The following SGSM1 variants were observed in gnomAD, a reference collection of about 807,000 sequenced individuals.
SGSM1 encodes RUN and TBC1 domain containing 2.
Under a neutral mutation model 133.8 loss-of-function variants are expected in SGSM1, and 73 were observed. That is an observed-to-expected ratio of 0.55 (90% CI 0.45 to 0.66). The LOEUF is 0.66. Among genes scored for constraint, SGSM1 ranks in the 30% least tolerant of loss-of-function variants. The probability of loss-of-function intolerance (pLI) is 0.00; values close to 1 mark genes in which losing one functional copy is unlikely to be tolerated. For synonymous variants in SGSM1, 563 were observed against 573.0 expected (o/e 0.98, Z 0.25); for missense variants, 1,213 against 1,448.1 (o/e 0.84, Z 2.64).
At chr22:24,845,255 G>A (rs963056364) in intron 3 of SGSM1, among the ~76,000 whole-genome samples, 2 of 152,142 alleles carry the variant, frequency 1.3e-5, no homozygotes, top group African/African-American at 4.8e-5. Context: ...TTGCATCTGA[G>A]GAATGGGCTC....
intron 17 of SGSM1, among the ~76,000 whole-genome samples, chr22:24,894,977 G>A (rs1035406561): frequency 6.6e-6 from 1 of 152,214 alleles, no homozygotes; most frequent in African/African-American, 2.4e-5. Flanking sequence ...AAGGTGGGGT[G>A]CTCTAGTTGC....
At chr22:24,860,920 A>ATATATATATATATATAT (rs57042550) in intron 9 of SGSM1, among the ~76,000 whole-genome samples, 1 of 63,402 alleles carries the variant, frequency 1.6e-5, no homozygotes, top group African/African-American at 9.5e-5. Context: ...AAAAAAAAAA[A>ATATATATATATATATAT]AAATATATAT....
chr22:24,916,879 G>A (rs2123743945), intron 22 of SGSM1, among the ~76,000 whole-genome samples: 2 of 151,842 alleles, frequency 1.3e-5, no homozygotes, highest in Admixed American at 1.3e-4. Flanking sequence ...ATATGTTTTT[G>A]TTTTCATTTT....
chr22:24,845,145 A>C (rs530674937), intron 3 of SGSM1, among the ~76,000 whole-genome samples, 173 bp downstream of exon 3: 1 of 152,196 alleles, frequency 6.6e-6, no homozygotes, highest in Admixed American at 6.5e-5. Flanking sequence ...ATTAAAAATG[A>C]CTTCTGTACC....
intron 2 of SGSM1, among the ~76,000 whole-genome samples, chr22:24,815,556 C>G (rs1264833860): frequency 6.6e-6 from 1 of 152,142 alleles, no homozygotes; most frequent in African/African-American, 2.4e-5. Flanking sequence ...TCCTGGATAA[C>G]ATGGTGAAAC....
intron 1 of SGSM1, 34 bp from the exon 2 acceptor site, chr22:24,806,405 TCG>T (rs760305183): frequency 1.3e-6 from 2 of 1,520,392 alleles, no homozygotes; most frequent in South Asian, 2.5e-5. Context: ...GCACCCTCTC[TCG>T]GCTGACCCGC....
chr22:24,807,860 G>A (rs1243692762), intron 2 of SGSM1, among the ~76,000 whole-genome samples: 7 of 147,334 alleles, frequency 4.8e-5, no homozygotes, highest in East Asian at 4.1e-4. Context: ...CTGCTCCTCC[G>A]TCCTCCGGGA....
chr22:24,868,289 C>G (rs1931567387), intron 10 of SGSM1, 87 bp from the exon 11 acceptor site: 1 of 1,527,564 alleles, frequency 6.5e-7, no homozygotes, highest in Non-Finnish European at 8.8e-7. Context: ...GGCTTGGCAC[C>G]CCTGGGGGAT....
intron 12 of SGSM1, among the ~76,000 whole-genome samples, chr22:24,870,128 A>G (rs763180725): frequency 2.0e-5 from 3 of 152,202 alleles, no homozygotes; most frequent in Non-Finnish European, 4.4e-5. Flanking sequence ...GGAACCCCTT[A>G]AGCGCTACAG....
chr22:24,814,740 A>T (rs184704648), intron 2 of SGSM1, among the ~76,000 whole-genome samples: 1 of 152,338 alleles, frequency 6.6e-6, no homozygotes, highest in East Asian at 1.9e-4. Flanking sequence ...TCAGCACAGG[A>T]TCTTGCTGTC....
rs1274141157 is a variant in SGSM1, at chr22:24,860,917, AAAAAAATATAT to A, written c.926+1079_926+1089del. On this transcript the variant is annotated intron_variant, in intron 9 of 24. Coordinates refer to ENST00000400358, the MANE Select transcript of SGSM1 (RefSeq NM_001098497.3). ...TGTCTTAAAAAAAAAAAAAAAAAAA[AAAAAAATATAT>A]ATATATATATATATATATATAATTT... 1.7e-3 allele frequency among the ~76,000 whole-genome samples: 176 copies of A among 105,302 alleles called. 2 individuals carry two copies. The highest frequency in any genetic ancestry group is 0.013 in the Admixed American group (122 of 9,316). 69.1% of individuals were successfully genotyped at this position (105,302 alleles called of 152,430 possible). A position where few individuals can be genotyped will look rare whatever the true frequency, so the allele number is the denominator to read the frequency against.
At chr22:24,909,439 ATTAT>A (rs1002865300) in intron 21 of SGSM1, among the ~76,000 whole-genome samples, 33 of 150,094 alleles carry the variant, frequency 2.2e-4, no homozygotes, top group African/African-American at 5.4e-4. Flanking sequence ...TGGCCACTTT[ATTAT>A]TTATTTATTT....
chr22:24,915,649 T>TGGAAAATAGAGTTTCC (rs1933795830), intron 22 of SGSM1, among the ~76,000 whole-genome samples: 1 of 152,218 alleles, frequency 6.6e-6, no homozygotes, highest in Non-Finnish European at 1.5e-5. Context: ...ATAGAGTTTG[T>TGGAAAATAGAGTTTCC]GGAAAATAGA....
chr22:24,806,558 G>A, intron 2 of SGSM1, 74 bp downstream of exon 2: 1 of 1,459,400 alleles, frequency 6.9e-7, no homozygotes, highest in Non-Finnish European at 9.0e-7. Context: ...AGTCTTCGTG[G>A]AAGGGTGGCC....
chr22:24,923,974 C>T (rs1277463422), intron 24 of SGSM1, among the ~76,000 whole-genome samples: 5 of 152,074 alleles, frequency 3.3e-5, no homozygotes, highest in South Asian at 2.1e-4. Context: ...CCATTCAATC[C>T]GCACAGTAAC....
At chr22:24,895,141 TG>T in intron 17 of SGSM1, 81 bp from the exon 18 acceptor site, 1 of 1,392,394 alleles carries the variant, frequency 7.2e-7, no homozygotes, top group South Asian at 1.2e-5. Flanking sequence ...CTAGACTTTC[TG>T]GCTCCCAGCC....
Position 24,898,480 on chromosome 22 carries a change from T to C in SGSM1, c.2531T>C (p.Phe844Ser), listed in dbSNP as rs200045790. The C allele has an allele frequency of 9.3e-6, 15 of 1,613,738 alleles. No individual in the cohort carries two copies. The highest frequency in any genetic ancestry group is 1.3e-5 in the African/African-American group (1 of 74,890). The change falls in exon 19 of 25, where the codon TTC (phenylalanine) becomes TCC (serine). Residue 844 changes from phenylalanine to serine, a missense_variant. Transcript: ENST00000400358. ...GAGGAGCCTGAGATGGAAAGTCTCT[T>C]CCCTGCCCTGGCTTCTCTGGCTGTG... The part of the protein sequence containing the change: ...LSEEPEMESL[F>S]PALASLAVTT...
intron 2 of SGSM1, among the ~76,000 whole-genome samples, chr22:24,842,064 C>T (rs1929837158): frequency 6.6e-6 from 1 of 152,214 alleles, no homozygotes; most frequent in Non-Finnish European, 1.5e-5. Flanking sequence ...TAAGCCTGGA[C>T]TCACTCCCTC....
intron 18 of SGSM1, 37 bp from the exon 19 acceptor site, chr22:24,897,935 A>C (rs770469261): frequency 4.6e-5 from 71 of 1,532,688 alleles, no homozygotes; most frequent in Non-Finnish European, 5.1e-5. Flanking sequence ...TGCAGTCGAC[A>C]TGCCGGTCCA....
Sources: allele counts gnomAD v4.1 joint callset (sites outside exome capture counted in the v4.1 genomes callset), GRCh38; gene constraint gnomAD v4.1.1; transcripts MANE v1.5; gene names NCBI Gene and HGNC (gene_info 2026-07-23, HGNC 2026-07-21).